Variants in RGS22 observed in about 807,000 individuals in gnomAD.
The protein encoded by RGS22 is regulator of G protein signaling 22.
A neutral mutation model predicts 172.9 loss-of-function variants in RGS22; 148 were observed. That is an observed-to-expected ratio of 0.86 (90% confidence interval 0.75 to 0.98). The LOEUF (loss-of-function observed/expected upper bound fraction) is 0.98, where lower values mean the gene tolerates loss of function less well. Among genes scored for constraint, RGS22 ranks in the 50% least tolerant of loss-of-function variants. The pLI is 0.00. For synonymous variants in RGS22, 458 were observed against 480.2 expected (o/e 0.95, Z 0.60); for missense variants, 1,347 against 1,440.8 (o/e 0.93, Z 1.05).
rs562188017 is a variant in RGS22, at chr8:100,066,851, C to G, written c.595-555G>C. On this transcript the variant is annotated intron_variant, in intron 6 of 27. Transcript: ENST00000360863. ...GTTTGCTTAGATTGAATGCTTCTTG[C>G]AGACTGATTCCTGACTCCATCTGCC... is the stretch of plus-strand genomic sequence containing the variant. 3.3e-5 allele frequency among the ~76,000 whole-genome samples: 5 copies of G among 152,308 alleles called. No individual in the cohort carries two copies. The East Asian group carries it at 9.7e-4, about 29-fold the overall frequency.
intron 9 of RGS22, among the ~76,000 whole-genome samples, chr8:100,055,430 C>A (rs887248668): frequency 6.6e-6 from 1 of 152,204 alleles, no homozygotes; most frequent in Non-Finnish European, 1.5e-5. Flanking sequence ...GCATTACTAA[C>A]CTTAGGGTGC....
At chr8:100,094,822 A>G (rs2132009090) in intron 2 of RGS22, among the ~76,000 whole-genome samples, 1 of 152,322 alleles carries the variant, frequency 6.6e-6, no homozygotes, top group South Asian at 2.1e-4. Context: ...GTTTTTGCTA[A>G]TTCTTATGAG....
At chr8:100,041,283 G>A (rs979407381) in intron 12 of RGS22, among the ~76,000 whole-genome samples, 11 of 152,156 alleles carry the variant, frequency 7.2e-5, no homozygotes, top group African/African-American at 2.2e-4. Context: ...GAGGTCAGGA[G>A]TGCGAGACCA....
intron 14 of RGS22, among the ~76,000 whole-genome samples, chr8:100,019,697 T>A (rs113666058): frequency 2.0e-5 from 3 of 152,272 alleles, no homozygotes; most frequent in African/African-American, 7.2e-5. Context: ...GCATTTTGTA[T>A]CACTAATAAG....
intron 19 of RGS22, 111 bp downstream of exon 19, chr8:99,999,151 C>G: frequency 2.2e-6 from 2 of 896,376 alleles, no homozygotes; most frequent in South Asian, 1.8e-5. Flanking sequence ...AGAGAGAGCC[C>G]ATTCCTTAAA....
At chr8:100,007,045 G>T in intron 15 of RGS22, among the ~76,000 whole-genome samples, 1 of 151,792 alleles carries the variant, frequency 6.6e-6, no homozygotes, top group Non-Finnish European at 1.5e-5. Context: ...TGTAATAAAT[G>T]CATTTTTATA....
chr8:99,974,274 G>A (rs1028709876), intron 23 of RGS22, among the ~76,000 whole-genome samples: 2 of 152,110 alleles, frequency 1.3e-5, no homozygotes, highest in African/African-American at 2.4e-5. Flanking sequence ...TTGGTGATGG[G>A]CTGGGGTTGG....
At chr8:100,025,559 C>T (rs182578667) in intron 14 of RGS22, among the ~76,000 whole-genome samples, 2 of 152,270 alleles carry the variant, frequency 1.3e-5, no homozygotes, top group Admixed American at 1.3e-4. Context: ...TGAAAATACA[C>T]CATCAGCCTA....
chr8:100,050,000 G>A (rs1023466515), intron 10 of RGS22, among the ~76,000 whole-genome samples: 4 of 146,112 alleles, frequency 2.7e-5, no homozygotes, highest in Non-Finnish European at 5.9e-5. Flanking sequence ...GGTGAGCCGA[G>A]ACCATGCCAT....
At chr8:100,062,781 A>C (rs1810247798) in intron 8 of RGS22, 29 bp from the exon 9 acceptor site, 2 of 1,543,296 alleles carry the variant, frequency 1.3e-6, no homozygotes, top group African/African-American at 2.8e-5. Context: ...CCATATATAC[A>C]CACACACATT....
intron 23 of RGS22, among the ~76,000 whole-genome samples, chr8:99,972,296 C>T (rs1811448466): frequency 6.6e-6 from 1 of 152,116 alleles, no homozygotes; most frequent in Non-Finnish European, 1.5e-5. Flanking sequence ...CAATTAAAAA[C>T]CCTAGAAGAA....
chr8:100,070,713 T>A (rs576397538), intron 6 of RGS22, among the ~76,000 whole-genome samples: 1 of 152,352 alleles, frequency 6.6e-6, no homozygotes, highest in South Asian at 2.1e-4. Context: ...GCAAATTAGT[T>A]AGCATAAATC....
In RGS22 at chr8:100,051,717, ATATT is replaced by A. The variant is rs1332476663; in HGVS notation, c.1689+1081_1689+1084del. Among the ~76,000 whole-genome samples the A allele has an allele frequency of 1.1e-4, 8 of 70,434 alleles. 3 individuals carry two copies. Among genetic ancestry groups the A allele is most frequent in the African/African-American group, 3.1e-4 (5 of 15,874 alleles). 46.2% of individuals were successfully genotyped at this position (70,434 alleles called of 152,430 possible). A position where few individuals can be genotyped will look rare whatever the true frequency, so the allele number is the denominator to read the frequency against. On this transcript the variant is annotated intron_variant, in intron 10 of 27. Transcript: ENST00000360863. ...TTTATATATACGTATATATAAATAT[ATATT>A]TATATATACGTATATATAAATATAT...
intron 22 of RGS22, among the ~76,000 whole-genome samples, chr8:99,978,646 G>A (rs1242436259): frequency 6.6e-6 from 1 of 152,094 alleles, no homozygotes; most frequent in African/African-American, 2.4e-5. Context: ...AAAGCAGAAC[G>A]GTATCCTGGA....
At position 99,982,054 on chromosome 8, in the gene RGS22, GTTGA is replaced by G; in HGVS notation, c.3239_3242del (p.Ile1080ThrfsTer18). The G allele has an allele frequency of 6.2e-7, 1 of 1,613,734 alleles. No homozygotes were observed. The highest frequency in any genetic ancestry group is 8.5e-7 in the Non-Finnish European group (1 of 1,179,756). On this transcript the variant is annotated frameshift_variant, in exon 22 of 28. Coordinates refer to ENST00000360863, the MANE Select transcript of RGS22 (RefSeq NM_015668.5). LOFTEE classifies it high-confidence loss of function. The stretch of plus-strand genomic sequence containing the variant: ...GTGGAATACTGGAATTAATAAAGCA[GTTGA>G]TAATAGTTGTAATCTTCTTCTGGAT...
At chr8:100,006,231 T>C in intron 15 of RGS22, 122 bp from the exon 16 acceptor site, 1 of 736,960 alleles carries the variant, frequency 1.4e-6, no homozygotes, top group Non-Finnish European at 2.2e-6. Flanking sequence ...AGCAGGAAGA[T>C]AACATAGTTT....
At chr8:100,072,280 T>C in intron 4 of RGS22, 50 bp from the exon 5 acceptor site, 1 of 1,166,070 alleles carries the variant, frequency 8.6e-7, no homozygotes, top group African/African-American at 1.6e-5. Flanking sequence ...AAATCACTTT[T>C]AGGATGATTA....
At chr8:99,992,709 G>A (rs191369970) in intron 20 of RGS22, among the ~76,000 whole-genome samples, 1 of 152,250 alleles carries the variant, frequency 6.6e-6, no homozygotes, top group East Asian at 1.9e-4. Flanking sequence ...AGAGGTCAAT[G>A]AGACAGAAAA....
At chr8:100,057,532 G>A (rs571268724) in intron 9 of RGS22, among the ~76,000 whole-genome samples, 7 of 152,140 alleles carry the variant, frequency 4.6e-5, no homozygotes, top group Non-Finnish European at 7.4e-5. Flanking sequence ...TAATGGAATC[G>A]TGTGGGTGGG....
Sources: allele counts gnomAD v4.1 joint callset (sites outside exome capture counted in the v4.1 genomes callset), GRCh38; gene constraint gnomAD v4.1.1; transcripts MANE v1.5; gene names NCBI Gene and HGNC (gene_info 2026-07-23, HGNC 2026-07-21).